Variants in SH2D2A observed in about 807,000 individuals in gnomAD.
SH2D2A encodes the protein SH2 domain containing 2A.
In SH2D2A, 33 loss-of-function variants were observed where a neutral mutation model predicts 43.6. That is an observed-to-expected ratio of 0.76 (90% confidence interval 0.57 to 1.01). The LOEUF (loss-of-function observed/expected upper bound fraction) is 1.01. Among genes scored for constraint, SH2D2A ranks in the 50% least tolerant of loss-of-function variants. The pLI is 0.00. For missense variants in SH2D2A, 491 were observed against 503.1 expected (o/e 0.98, Z 0.23); for synonymous variants, 212 against 206.1 (o/e 1.03, Z -0.25).
At chr1:156,816,251 G>T in intron 1 of SH2D2A, 157 bp from the exon 2 acceptor site, 2 of 826,616 alleles carry the variant, frequency 2.4e-6, no homozygotes, top group Non-Finnish European at 2.9e-6. Context: ...TCTCAGGCAT[G>T]AGGTTAAGTA....
chr1:156,811,410 C>A (rs963321656), intron 5 of SH2D2A, among the ~76,000 whole-genome samples: 4 of 152,216 alleles, frequency 2.6e-5, no homozygotes, highest in Non-Finnish European at 5.9e-5. Context: ...CAGAATAAGT[C>A]AGACTCCTGA....
rs768967954 is a variant in SH2D2A at position 156,816,713 on chromosome 1, G to T, written c.-5C>A. ...CTGGGCCAGGGGGAACTCCATGAGGGCAGCCTCACAAGGGATCCCAGAGCA... is the reference window on the plus strand; with the variant it reads ...CTGGGCCAGGGGGAACTCCATGAGGTCAGCCTCACAAGGGATCCCAGAGCA... On this transcript the variant is annotated 5_prime_UTR_variant, in exon 1 of 9. Transcript: ENST00000368199. 5 of 1,597,416 alleles carry T rather than the reference G, an allele frequency of 3.1e-6. 1 individual carries two copies. The South Asian group carries it at 4.5e-5, about 14-fold the overall frequency.
chr1:156,816,724 AG>A lies in SH2D2A; in HGVS notation c.-17del, dbSNP rs1653977277. Reference sequence around the variant, plus strand: ...GGAACTCCATGAGGGCAGCCTCACAAGGGATCCCAGAGCAGGGTGTGTGTAT... The same window carrying A: ...GGAACTCCATGAGGGCAGCCTCACAAGGATCCCAGAGCAGGGTGTGTGTAT... On this transcript the variant is annotated 5_prime_UTR_variant, in exon 1 of 9. Transcript: ENST00000368199. 4 of 1,592,456 alleles carry A rather than the reference AG, an allele frequency of 2.5e-6. No individual in the cohort carries two copies. The highest frequency in any genetic ancestry group is 1.4e-5 in the African/African-American group (1 of 73,730).
At chr1:156,815,562 G>A (rs1473004681) in intron 2 of SH2D2A, 2 of 609,194 alleles carry the variant, frequency 3.3e-6, no homozygotes, top group African/African-American at 3.7e-5. Context: ...GAAGAAACAT[G>A]ATGCAGGAAG....
chr1:156,814,152 C>A (rs1244691632), intron 4 of SH2D2A, 53 bp downstream of exon 4: 18 of 1,606,494 alleles, frequency 1.1e-5, no homozygotes, highest in South Asian at 4.4e-5. Flanking sequence ...ACCCAAGCCC[C>A]GCCCCTCCCG....
intron 2 of SH2D2A, 149 bp downstream of exon 2, chr1:156,815,857 C>T: frequency 1.3e-6 from 2 of 1,581,346 alleles, no homozygotes; most frequent in Non-Finnish European, 1.7e-6. Flanking sequence ...CATTTTCGTT[C>T]TCTCTCTCTG....
At position 156,809,910 on chromosome 1, in the gene SH2D2A, G is replaced by A. The variant is rs1168701683; in HGVS notation, c.568-103C>T. The A allele has an allele frequency of 2.2e-6, 3 of 1,340,326 alleles. No individual in the cohort carries two copies. The Admixed American group carries it at 6.4e-5, about 29-fold the overall frequency. 83.0% of individuals were successfully genotyped at this position (1,340,326 alleles called of 1,614,324 possible). On this transcript the variant is annotated intron_variant, in intron 5 of 8. Transcript: ENST00000368199. This position sits in a 1 kb window ranked among gnomAD's most constrained non-coding sequence, Gnocchi z 4.8. Reference sequence around the variant, plus strand: ...CAGTCTAAGTGGAGGATGGGGGAAGGGGGAGGAGCACAGAAATTTGGCCTG... The same window carrying A: ...CAGTCTAAGTGGAGGATGGGGGAAGAGGGAGGAGCACAGAAATTTGGCCTG...
Position 156,807,441 on chromosome 1 carries a change from C to T in SH2D2A, c.1003-96G>A. The stretch of plus-strand genomic sequence containing the variant: ...GACATCTGATCTGAACAGACTTTGG[C>T]TTCCAGAGAGGGTATCTAAACTCCT... On this transcript the variant is annotated intron_variant, in intron 7 of 8. Coordinates refer to ENST00000368199, the MANE Select transcript of SH2D2A (RefSeq NM_003975.4). This position sits in a 1 kb window ranked among gnomAD's most constrained non-coding sequence, Gnocchi z 5.1. The T allele has an allele frequency of 1.8e-6, 2 of 1,102,628 alleles. No homozygotes were observed. Among genetic ancestry groups the T allele is most frequent in the Non-Finnish European group, 2.5e-6 (2 of 798,980 alleles). 68.3% of individuals were successfully genotyped at this position (1,102,628 alleles called of 1,614,324 possible).
rs1027845440 is a variant in SH2D2A at position 156,807,840 on chromosome 1, G to A, written c.1003-495C>T. ...GTTTAGAGAAATGTGAATCATTCTAGGAGAATGGGAGTGGCTGGTGGTAAG... is the reference window on the plus strand; with the variant it reads ...GTTTAGAGAAATGTGAATCATTCTAAGAGAATGGGAGTGGCTGGTGGTAAG... On this transcript the variant is annotated intron_variant, in intron 7 of 8. Transcript: ENST00000368199. This position sits in a 1 kb window ranked among gnomAD's most constrained non-coding sequence, Gnocchi z 5.1. 3.3e-5 allele frequency among the ~76,000 whole-genome samples: 5 copies of A among 152,190 alleles called. No homozygotes were observed. Among genetic ancestry groups the A allele is most frequent in the African/African-American group, 1.2e-4 (5 of 41,444 alleles).
rs1653631229 is a variant in SH2D2A at position 156,814,028 on chromosome 1, C to T, written c.399-12G>A. 2 of 1,499,120 alleles carry T rather than the reference C, an allele frequency of 1.3e-6. No homozygotes were observed. The highest frequency in any genetic ancestry group is 2.8e-5 in the African/African-American group (2 of 72,418). The allele number at this position is 1,499,120 out of a possible 1,614,324, so 92.9% of individuals were successfully genotyped here. On this transcript the variant is annotated splice_polypyrimidine_tract_variant and intron_variant, in intron 4 of 8. Coordinates refer to ENST00000368199, the MANE Select transcript of SH2D2A (RefSeq NM_003975.4). ...AGCAAGTCCGGCTCCTGGAGGGCGC[C>T]GTTAGGGATCAGACTATCTCCCGCT...
chr1:156,814,422 G>A, intron 3 of SH2D2A, 128 bp from the exon 4 acceptor site: 1 of 1,472,292 alleles, frequency 6.8e-7, no homozygotes, highest in South Asian at 1.4e-5. Flanking sequence ...GAAAGGCTAG[G>A]GCGGAGATGG....
At chr1:156,816,348 G>A (rs1653930197) in intron 1 of SH2D2A, among the ~76,000 whole-genome samples, 1 of 152,188 alleles carries the variant, frequency 6.6e-6, no homozygotes, top group Non-Finnish European at 1.5e-5. Context: ...AGTCAGGCTG[G>A]CCTTCGGATG....
At chr1:156,815,781 C>T (rs374760070) in intron 2 of SH2D2A, 15 of 1,613,250 alleles carry the variant, frequency 9.3e-6, no homozygotes, top group East Asian at 2.2e-5. Flanking sequence ...TCAGCCTGAG[C>T]TTCCAGAGGG....
chr1:156,815,884 C>A, intron 2 of SH2D2A, 122 bp downstream of exon 2: 1 of 1,613,864 alleles, frequency 6.2e-7, no homozygotes, highest in Non-Finnish European at 8.5e-7. Flanking sequence ...AGCCCGTTGG[C>A]AGACCCGGAT....
chr1:156,809,466 G>C lies in SH2D2A; in HGVS notation c.739C>G (p.Pro247Ala). The change falls in exon 7 of 9, where the codon CCT becomes GCT. Residue 247 changes from proline (P) to alanine (A), a missense_variant. By Grantham distance (27) the Pro-to-Ala change is conservative (BLOSUM62 -1). Coordinates refer to ENST00000368199, the MANE Select transcript of SH2D2A (RefSeq NM_003975.4). This position sits in a 1 kb window ranked among gnomAD's most constrained non-coding sequence, Gnocchi z 4.8. ...KEPSQLLRPK[P>A]PIPAKPQLPP... Reference sequence around the variant, plus strand: ...AGCTGAGGTTTGGCGGGGATGGGAGGCTTGGGCCTGAGCAGCTGGGAGGGC... The same window carrying C: ...AGCTGAGGTTTGGCGGGGATGGGAGCCTTGGGCCTGAGCAGCTGGGAGGGC... The C allele has an allele frequency of 6.2e-7, 1 of 1,608,710 alleles. No homozygotes were observed. The highest frequency in any genetic ancestry group is 8.5e-7 in the Non-Finnish European group (1 of 1,178,026).
At chr1:156,812,041 C>T (rs1200841604) in intron 5 of SH2D2A, among the ~76,000 whole-genome samples, 1 of 152,144 alleles carries the variant, frequency 6.6e-6, no homozygotes, top group African/African-American at 2.4e-5. Flanking sequence ...TCACCTGCCT[C>T]CTGCCTGGAT....
chr1:156,816,164 C>G, intron 1 of SH2D2A, 70 bp from the exon 2 acceptor site: 1 of 1,524,536 alleles, frequency 6.6e-7, no homozygotes, highest in South Asian at 1.3e-5. Context: ...TCCCACCCCT[C>G]CTCCCAGGCT....
intron 3 of SH2D2A, 22 bp from the exon 4 acceptor site, chr1:156,814,316 G>T: frequency 1.2e-6 from 2 of 1,609,382 alleles, no homozygotes; most frequent in Admixed American, 1.7e-5. Flanking sequence ...GGAGAGAGGG[G>T]GCCGAACCCT....
rs977430673 is a variant in SH2D2A, at chr1:156,809,455, G to A, written c.750C>T (p.Pro250=). 8.1e-6 allele frequency: 13 copies of A among 1,610,482 alleles called. No individual in the cohort carries two copies. The highest frequency in any genetic ancestry group is 1.3e-5 in the African/African-American group (1 of 74,870). Residue 250 remains proline, a synonymous_variant, in exon 7 of 9, where the codon CCC becomes CCT. Transcript: ENST00000368199. This position sits in a 1 kb window ranked among gnomAD's most constrained non-coding sequence, Gnocchi z 4.8. ...CTTCTGGGGGCAGCTGAGGTTTGGCGGGGATGGGAGGCTTGGGCCTGAGCA... is the reference window on the plus strand; with the variant it reads ...CTTCTGGGGGCAGCTGAGGTTTGGCAGGGATGGGAGGCTTGGGCCTGAGCA... ...SQLLRPKPPI[P]AKPQLPPEVY...
Sources: allele counts gnomAD v4.1 joint callset (sites outside exome capture counted in the v4.1 genomes callset), GRCh38; gene constraint gnomAD v4.1.1; non-coding constraint Gnocchi (gnomAD v3.1); transcripts MANE v1.5; gene names NCBI Gene and HGNC (gene_info 2026-07-23, HGNC 2026-07-21).